Variants in PCMTD1 observed in about 807,000 individuals in gnomAD.
PCMTD1 encodes the protein protein-L-isoaspartate (D-aspartate) O-methyltransferase domain containing 1, also known as protein-L-isoaspartate O-methyltransferase domain-containing protein 1.
Under a neutral mutation model 37.6 loss-of-function variants are expected in PCMTD1, and 12 were observed. That is an observed-to-expected ratio of 0.32 (90% confidence interval 0.20 to 0.52). PCMTD1 has a LOEUF of 0.52. Ranked by LOEUF, PCMTD1 falls within the 20% of genes least tolerant of loss-of-function variation. PCMTD1 has a pLI of 0.97. For synonymous variants in PCMTD1, 117 were observed against 135.8 expected, an observed-to-expected ratio of 0.86 and a Z score of 0.96; for missense variants, 235 against 421.3, an observed-to-expected ratio of 0.56 and a Z score of 3.87.
At position 51,856,010 on chromosome 8, in the gene PCMTD1, C is replaced by T. The variant is rs751800342; in HGVS notation, c.307+4835G>A. ...ACCAAGAAGAATGAGAGTTGAGGGACGGGGGAACTGACCACCCTGGATCTC... is the reference window on the plus strand; with the variant it reads ...ACCAAGAAGAATGAGAGTTGAGGGATGGGGGAACTGACCACCCTGGATCTC... On this transcript the variant is annotated intron_variant, in intron 2 of 5. Coordinates refer to ENST00000522514, the MANE Select transcript of PCMTD1 (RefSeq NM_052937.4). Among the ~76,000 whole-genome samples, 62 of 152,128 alleles carry T rather than the reference C, an allele frequency of 4.1e-4. 1 individual carries two copies. The highest frequency in any genetic ancestry group is 3.4e-3 in the Middle Eastern group (1 of 294).
intron 1 of PCMTD1, among the ~76,000 whole-genome samples, chr8:51,874,172 T>C (rs992091456): frequency 6.6e-6 from 1 of 152,176 alleles, no homozygotes; most frequent in African/African-American, 2.4e-5. Flanking sequence ...GCTCAGGTAT[T>C]TCTCTATAGC....
intron 2 of PCMTD1, chr8:51,849,573 CTAGGTATCT>C (rs2038274538): frequency 1.3e-5 from 2 of 152,256 alleles, no homozygotes; most frequent in South Asian, 4.1e-4. Flanking sequence ...TTAGAAATTC[CTAGGTATCT>C]TTACATAAAA....
Position 51,860,921 on chromosome 8 carries a change from T to C in PCMTD1, c.231A>G (p.Lys77=). ...TAAGAAAAGACAATCCTGGTTGAAG[T>C]TTCAATGCTTCCATAACTTCAGAAT... ...CIYSEVMEAL[K]LQPGLSFLNL... The change falls in exon 2 of 6, where the codon AAA becomes AAG. Residue 77 remains lysine (K), a synonymous_variant. Coordinates refer to ENST00000522514, the MANE Select transcript of PCMTD1 (RefSeq NM_052937.4). 1 of 1,614,106 alleles carries C rather than the reference T, an allele frequency of 6.2e-7. No homozygotes were observed. The highest frequency in any genetic ancestry group is 8.5e-7 in the Non-Finnish European group (1 of 1,179,984).
chr8:51,827,438 G>A (rs1001477740), intron 5 of PCMTD1: 4 of 465,128 alleles, frequency 8.6e-6, no homozygotes, highest in African/African-American at 6.1e-5. Flanking sequence ...GAGTAGTGTA[G>A]TATAATTGCA....
intron 1 of PCMTD1, among the ~76,000 whole-genome samples, chr8:51,882,732 A>C (rs1278624428): frequency 6.6e-6 from 1 of 152,032 alleles, no homozygotes; most frequent in African/African-American, 2.4e-5. Context: ...ACTGGACATT[A>C]ACATAGCCTG....
chr8:51,839,339 TA>T (rs1333019690), intron 3 of PCMTD1: 2 of 494,748 alleles, frequency 4.0e-6, no homozygotes, highest in Admixed American at 6.4e-5. Flanking sequence ...ATACTCTTAA[TA>T]AAATGTACCC....
At chr8:51,835,929 T>A (rs1021400894) in intron 3 of PCMTD1, among the ~76,000 whole-genome samples, 135 of 152,202 alleles carry the variant, frequency 8.9e-4, no homozygotes, top group African/African-American at 3.0e-3. Flanking sequence ...TAAAATTAAA[T>A]GTGTGACACT....
chr8:51,877,311 T>C (rs1046696203), intron 1 of PCMTD1, among the ~76,000 whole-genome samples: 2 of 152,164 alleles, frequency 1.3e-5, no homozygotes, highest in African/African-American at 2.4e-5. Flanking sequence ...CCTGATTGGA[T>C]AGTAACTCAG....
At chr8:51,869,611 C>A (rs2038609763) in intron 1 of PCMTD1, among the ~76,000 whole-genome samples, 1 of 151,898 alleles carries the variant, frequency 6.6e-6, no homozygotes, top group Non-Finnish European at 1.5e-5. Context: ...ATTTTCTTTT[C>A]CACAAAGAAG....
chr8:51,826,076 G>A (rs1391561961), intron 5 of PCMTD1, among the ~76,000 whole-genome samples: 6 of 152,156 alleles, frequency 3.9e-5, no homozygotes, highest in Non-Finnish European at 8.8e-5. Context: ...TATGTTTACT[G>A]CAGCACTATT....
chr8:51,856,480 AG>A lies in PCMTD1; in HGVS notation c.307+4364del, dbSNP rs1299121121. ...TCTTAAAAACATAAATTTACCATAC[AG>A]GTCAGCAATTCTACTCTTTAAGAAT... On this transcript the variant is annotated intron_variant, in intron 2 of 5. Coordinates refer to ENST00000522514, the MANE Select transcript of PCMTD1 (RefSeq NM_052937.4). 1.3e-4 allele frequency among the ~76,000 whole-genome samples: 20 copies of A among 152,336 alleles called. No homozygotes were observed. The East Asian group carries it at 1.5e-3, about 12-fold the overall frequency.
chr8:51,817,898 A>G lies in PCMTD1; in HGVS notation c.*2453T>C, dbSNP rs1326875497. ...ACTCACTGTATGTTTCAGGCAAAACATGCCACGGTTCTAGGTCTGTTTTCT... is the reference window on the plus strand; with the variant it reads ...ACTCACTGTATGTTTCAGGCAAAACGTGCCACGGTTCTAGGTCTGTTTTCT... On this transcript the variant is annotated 3_prime_UTR_variant, in exon 6 of 6. Transcript: ENST00000522514. 3 of 456,712 alleles carry G rather than the reference A, an allele frequency of 6.6e-6. No homozygotes were observed. The highest frequency in any genetic ancestry group is 6.9e-5 in the East Asian group (1 of 14,416). 28.3% of individuals were successfully genotyped at this position (456,712 alleles called of 1,614,324 possible).
At chr8:51,841,309 A>C (rs1164235288) in intron 3 of PCMTD1, among the ~76,000 whole-genome samples, 1 of 152,122 alleles carries the variant, frequency 6.6e-6, no homozygotes, top group East Asian at 1.9e-4. Context: ...TCATATCATG[A>C]CTCATTTATA....
At chr8:51,835,330 A>G (rs1322798769) in intron 3 of PCMTD1, among the ~76,000 whole-genome samples, 1 of 152,230 alleles carries the variant, frequency 6.6e-6, no homozygotes, top group Non-Finnish European at 1.5e-5. Context: ...ATTCTTTAAT[A>G]GCATCTCATC....
At chr8:51,898,075 C>T (rs1415625957) in intron 1 of PCMTD1, among the ~76,000 whole-genome samples, 1 of 152,032 alleles carries the variant, frequency 6.6e-6, no homozygotes, top group Admixed American at 6.5e-5. Context: ...ATGTTTTTCT[C>T]AAGGAGCAAG....
chr8:51,831,417 A>C, intron 5 of PCMTD1, 27 bp downstream of exon 5: 1 of 1,607,262 alleles, frequency 6.2e-7, no homozygotes, highest in Non-Finnish European at 8.5e-7. Flanking sequence ...GTCATAATTC[A>C]ATCAGAAAAT....
At chr8:51,821,620 G>T (rs992074654) in intron 5 of PCMTD1, among the ~76,000 whole-genome samples, 1 of 152,106 alleles carries the variant, frequency 6.6e-6, no homozygotes, top group African/African-American at 2.4e-5. Context: ...CTGCACTTAT[G>T]CAACTTGCAT....
At chr8:51,887,929 G>C (rs971364018) in intron 1 of PCMTD1, among the ~76,000 whole-genome samples, 64 of 152,038 alleles carry the variant, frequency 4.2e-4, no homozygotes, top group Admixed American at 5.9e-4. Flanking sequence ...ATTTTTAGTA[G>C]AGACGGAGTT....
At chr8:51,842,599 A>AT (rs1174487167) in intron 3 of PCMTD1, among the ~76,000 whole-genome samples, 1 of 151,790 alleles carries the variant, frequency 6.6e-6, no homozygotes, top group Middle Eastern at 3.2e-3. Context: ...TGCTATGATT[A>AT]TAGTGTCAGC....
Sources: allele counts gnomAD v4.1 joint callset (sites outside exome capture counted in the v4.1 genomes callset), GRCh38; gene constraint gnomAD v4.1.1; transcripts MANE v1.5; gene names NCBI Gene and HGNC (gene_info 2026-07-23, HGNC 2026-07-21).